HS3ST4: variants seen among roughly 807,000 people sequenced by gnomAD.
The protein encoded by HS3ST4 is heparan sulfate-glucosamine 3-sulfotransferase 4.
Under a neutral mutation model 29.2 loss-of-function variants are expected in HS3ST4, and 17 were observed. The ratio of observed to expected loss-of-function variants is 0.58; its 90% CI spans 0.40 to 0.87. The LOEUF (loss-of-function observed/expected upper bound fraction) is 0.87, where lower values mean the gene tolerates loss of function less well. HS3ST4 is among the 40% of genes least tolerant of loss of function. The probability of loss-of-function intolerance (pLI) is 0.00; values close to 1 mark genes in which losing one functional copy is unlikely to be tolerated. For synonymous variants in HS3ST4, 314 were observed against 285.7 expected (o/e 1.10, Z -1.00); for missense variants, 627 against 634.5 (o/e 0.99, Z 0.13).
chr16:25,933,235 C>T (rs1050566335), intron 1 of HS3ST4: 6 of 410,150 alleles, frequency 1.5e-5, no homozygotes, highest in Admixed American at 1.1e-4. Context: ...AAGAGGAAGA[C>T]TTCTCATATG....
chr16:25,802,007 A>G (rs1966941204), intron 1 of HS3ST4, among the ~76,000 whole-genome samples: 1 of 139,728 alleles, frequency 7.2e-6, no homozygotes, highest in Admixed American at 7.3e-5. Context: ...GCTAATATGT[A>G]TTAGAAGGCA....
chr16:25,999,031 A>G lies in HS3ST4; in HGVS notation c.735-136581A>G, dbSNP rs1013050069. Reference sequence around the variant, plus strand: ...AAATCCTTTCTCATTTTTTTGTAATAAATAATGTATTTAGACTGTAAAATA... The same window carrying G: ...AAATCCTTTCTCATTTTTTTGTAATGAATAATGTATTTAGACTGTAAAATA... On this transcript the variant is annotated intron_variant, in intron 1 of 1. Transcript: ENST00000331351. Among the ~76,000 whole-genome samples, 5 of 152,228 alleles carry G rather than the reference A, an allele frequency of 3.3e-5. No homozygotes were observed. The East Asian group carries it at 9.7e-4, about 29-fold the overall frequency.
intron 1 of HS3ST4, among the ~76,000 whole-genome samples, chr16:25,785,765 A>G (rs931354547): frequency 1.8e-4 from 27 of 152,150 alleles, no homozygotes; most frequent in Admixed American, 5.9e-4. Flanking sequence ...CGGTAACCCA[A>G]AAGTCCATTT....
intron 1 of HS3ST4, among the ~76,000 whole-genome samples, chr16:26,000,432 G>A (rs1969202662): frequency 6.6e-6 from 1 of 152,130 alleles, no homozygotes; most frequent in Non-Finnish European, 1.5e-5. Flanking sequence ...GAGGACCAAA[G>A]AAAGTCCAGG....
At chr16:25,755,480 G>A (rs1183757987) in intron 1 of HS3ST4, among the ~76,000 whole-genome samples, 1 of 152,170 alleles carries the variant, frequency 6.6e-6, no homozygotes, top group Non-Finnish European at 1.5e-5. Context: ...GTTTGAGGGT[G>A]AATGGCTGAC....
At chr16:26,111,621 G>T (rs2141803606) in intron 1 of HS3ST4, among the ~76,000 whole-genome samples, 1 of 152,262 alleles carries the variant, frequency 6.6e-6, no homozygotes, top group African/African-American at 2.4e-5. Context: ...TCCTTCAGCT[G>T]GGCAGCAAGT....
chr16:25,933,416 G>T, intron 1 of HS3ST4: 1 of 515,170 alleles, frequency 1.9e-6, no homozygotes, highest in Admixed American at 2.0e-5. Context: ...ACCTTCCATA[G>T]CATTTGAAGT....
intron 1 of HS3ST4, among the ~76,000 whole-genome samples, chr16:25,953,351 A>G (rs555615659): frequency 6.6e-6 from 1 of 152,320 alleles, no homozygotes; most frequent in South Asian, 2.1e-4. Flanking sequence ...TTTCTTGAAC[A>G]GTGACAAGCT....
At chr16:25,838,872 A>C (rs1389213184) in intron 1 of HS3ST4, among the ~76,000 whole-genome samples, 1 of 152,158 alleles carries the variant, frequency 6.6e-6, no homozygotes, top group Non-Finnish European at 1.5e-5. Context: ...GTGCCACCAG[A>C]GAATTCTCTT....
chr16:26,098,951 A>G (rs991287675), intron 1 of HS3ST4, among the ~76,000 whole-genome samples: 6 of 152,098 alleles, frequency 3.9e-5, no homozygotes, highest in Admixed American at 3.9e-4. Flanking sequence ...ATAGAGGTCC[A>G]AGAACAAAGG....
At chr16:26,120,996 G>A (rs539694540) in intron 1 of HS3ST4, among the ~76,000 whole-genome samples, 3 of 152,194 alleles carry the variant, frequency 2.0e-5, no homozygotes, top group Admixed American at 6.5e-5. Flanking sequence ...ACCCTGCTAA[G>A]TGCATCCTAA....
chr16:25,880,585 TGGCCAAGTGTAAG>T (rs1187319109), intron 1 of HS3ST4, among the ~76,000 whole-genome samples: 1 of 152,202 alleles, frequency 6.6e-6, no homozygotes, highest in African/African-American at 2.4e-5. Flanking sequence ...CGCTTTCATC[TGGCCAAGTGTAAG>T]GCAGCATTAT....
At chr16:26,125,757 G>A (rs887810185) in intron 1 of HS3ST4, among the ~76,000 whole-genome samples, 1 of 152,090 alleles carries the variant, frequency 6.6e-6, no homozygotes. Context: ...TCATCGCCTG[G>A]CTGGGGACAG....
chr16:25,932,729 C>T (rs1267594894), intron 1 of HS3ST4, among the ~76,000 whole-genome samples: 1 of 152,218 alleles, frequency 6.6e-6, no homozygotes, highest in Non-Finnish European at 1.5e-5. Context: ...GAGGTGCTTA[C>T]TGCTATCATC....
At chr16:26,118,540 C>G (rs532875224) in intron 1 of HS3ST4, among the ~76,000 whole-genome samples, 1 of 152,316 alleles carries the variant, frequency 6.6e-6, no homozygotes, top group South Asian at 2.1e-4. Context: ...CTACTGGGCA[C>G]TTGAAATGCA....
chr16:25,899,959 T>G (rs1417006578), intron 1 of HS3ST4, among the ~76,000 whole-genome samples: 1 of 152,186 alleles, frequency 6.6e-6, no homozygotes, highest in African/African-American at 2.4e-5. Flanking sequence ...ATCATGAAGC[T>G]GCCAGGCCAA....
chr16:25,816,012 A>G (rs1967089989), intron 1 of HS3ST4, among the ~76,000 whole-genome samples: 1 of 152,216 alleles, frequency 6.6e-6, no homozygotes, highest in African/African-American at 2.4e-5. Context: ...ATAATGATCT[A>G]ATTGGAATGA....
At chr16:25,993,663 A>G (rs932442705) in intron 1 of HS3ST4, among the ~76,000 whole-genome samples, 4 of 151,844 alleles carry the variant, frequency 2.6e-5, no homozygotes, top group Middle Eastern at 3.2e-3. Flanking sequence ...TTAGGATCCA[A>G]TGAGATACTA....
intron 1 of HS3ST4, among the ~76,000 whole-genome samples, chr16:26,049,784 C>G (rs1161689753): frequency 6.6e-6 from 1 of 152,136 alleles, no homozygotes; most frequent in African/African-American, 2.4e-5. Flanking sequence ...TCTCACAACC[C>G]CCTCCTTTAA....
Sources: allele counts gnomAD v4.1 joint callset (sites outside exome capture counted in the v4.1 genomes callset), GRCh38; gene constraint gnomAD v4.1.1; transcripts MANE v1.5; gene names NCBI Gene and HGNC (gene_info 2026-07-23, HGNC 2026-07-21).